Variants in SORCS1 observed in about 807,000 individuals in gnomAD.
SORCS1 encodes the protein sortilin related VPS10 domain containing receptor 1.
Under a neutral mutation model 146.1 loss-of-function variants are expected in SORCS1, and 60 were observed. The ratio of observed to expected loss-of-function variants is 0.41; its 90% CI spans 0.33 to 0.51. The LOEUF (loss-of-function observed/expected upper bound fraction) is 0.51, where lower values mean the gene tolerates loss of function less well. Ranked by LOEUF, SORCS1 falls within the 20% of genes least tolerant of loss-of-function variation. The pLI is 0.21. For missense variants in SORCS1, 1,352 were observed against 1,487.6 expected (o/e 0.91, Z 1.50); for synonymous variants, 637 against 584.0 (o/e 1.09, Z -1.31).
intron 18 of SORCS1, among the ~76,000 whole-genome samples, 172 bp downstream of exon 18, chr10:106,652,210 C>G (rs1006011188): frequency 6.6e-6 from 1 of 151,826 alleles, no homozygotes; most frequent in African/African-American, 2.4e-5. Flanking sequence ...AGAAATAGAT[C>G]AGGGAAGGTG....
chr10:107,070,688 C>A (rs1211718972), intron 1 of SORCS1, among the ~76,000 whole-genome samples: 1 of 152,100 alleles, frequency 6.6e-6, no homozygotes, highest in Non-Finnish European at 1.5e-5. Flanking sequence ...AAAAATAATA[C>A]CTCGTTTGTG....
At chr10:106,782,382 A>C (rs887911057) in intron 3 of SORCS1, among the ~76,000 whole-genome samples, 1 of 152,178 alleles carries the variant, frequency 6.6e-6, no homozygotes, top group African/African-American at 2.4e-5. Context: ...CGGCCTCCCA[A>C]AACACTCAGA....
the SORCS1 span, among the ~76,000 whole-genome samples, chr10:107,175,981 G>A: frequency 1.3e-5 from 2 of 152,134 alleles, no homozygotes; most frequent in East Asian, 3.9e-4. Flanking sequence ...ATTGTTAAAA[G>A]CAAATTTGAG....
chr10:106,666,552 C>CTT (rs201094771), intron 17 of SORCS1, among the ~76,000 whole-genome samples: 35 of 147,632 alleles, frequency 2.4e-4, no homozygotes, highest in South Asian at 6.5e-4. Context: ...ATAAATCTCT[C>CTT]TCTTTTTTTT....
intron 3 of SORCS1, among the ~76,000 whole-genome samples, chr10:106,792,449 C>T (rs1198090954): frequency 6.6e-6 from 1 of 152,202 alleles, no homozygotes; most frequent in East Asian, 1.9e-4. Flanking sequence ...TTAAGCATTA[C>T]ACAGCGCTTT....
intron 2 of SORCS1, among the ~76,000 whole-genome samples, chr10:106,852,873 A>T (rs1332132727): frequency 3.9e-5 from 6 of 152,062 alleles, no homozygotes; most frequent in Non-Finnish European, 7.4e-5. Flanking sequence ...TTCAAACATT[A>T]TTGGATTGAG....
At chr10:106,760,064 T>C (rs1858961681) in intron 5 of SORCS1, among the ~76,000 whole-genome samples, 1 of 152,120 alleles carries the variant, frequency 6.6e-6, no homozygotes, top group African/African-American at 2.4e-5. Flanking sequence ...GATGTGATGG[T>C]ATTTGCAAAT....
chr10:106,935,043 C>T (rs1050197472), intron 2 of SORCS1, among the ~76,000 whole-genome samples: 3 of 151,840 alleles, frequency 2.0e-5, no homozygotes, highest in South Asian at 2.1e-4. Context: ...TCAAAAACCA[C>T]GAGTACCCCA....
chr10:106,575,865 C>T lies in SORCS1; in HGVS notation c.*1555G>A, dbSNP rs1390388122. The T allele has an allele frequency of 2.0e-5, 3 of 152,612 alleles. No homozygotes were observed. Among genetic ancestry groups the T allele is most frequent in the Non-Finnish European group, 2.9e-5 (2 of 68,034 alleles). 9.5% of individuals were successfully genotyped at this position (152,612 alleles called of 1,614,324 possible). On this transcript the variant is annotated 3_prime_UTR_variant, in exon 26 of 26. Coordinates refer to ENST00000263054, the MANE Select transcript of SORCS1 (RefSeq NM_052918.5). ...GTTAAAATCAGTTTTATTTCACAAA[C>T]ATTTCTATTCTACTGTGAGAGTGGA...
chr10:106,905,069 A>T (rs535142858), intron 2 of SORCS1, among the ~76,000 whole-genome samples: 1 of 152,342 alleles, frequency 6.6e-6, no homozygotes, highest in African/African-American at 2.4e-5. Flanking sequence ...TAAAAAGTAA[A>T]TATTTAATTG....
rs138355863 is a variant in SORCS1, at chr10:106,856,850, T to C, written c.627-27177A>G. On this transcript the variant is annotated intron_variant, in intron 2 of 25. Coordinates refer to ENST00000263054, the MANE Select transcript of SORCS1 (RefSeq NM_052918.5). ...CTTGTTGAGTTTCTGCTCAGGTAAATTGTGATTTGCTGTGTCTGACTGTTG... is the reference window on the plus strand; with the variant it reads ...CTTGTTGAGTTTCTGCTCAGGTAAACTGTGATTTGCTGTGTCTGACTGTTG... 3.5e-3 allele frequency among the ~76,000 whole-genome samples: 527 copies of C among 152,294 alleles called. 6 individuals are homozygous for C. Among genetic ancestry groups the C allele is most frequent in the African/African-American group, 0.012 (515 of 41,568 alleles).
chr10:106,757,837 C>T (rs1377534992), intron 5 of SORCS1, among the ~76,000 whole-genome samples: 1 of 152,186 alleles, frequency 6.6e-6, no homozygotes. Flanking sequence ...AGACAGCCTT[C>T]ATTCAAATTC....
chr10:106,647,758 G>C (rs1007042432), intron 18 of SORCS1, among the ~76,000 whole-genome samples: 46 of 152,234 alleles, frequency 3.0e-4, no homozygotes, highest in Middle Eastern at 3.4e-3. Flanking sequence ...TCACAATGTT[G>C]GTTTAGATAA....
chr10:106,953,146 TGTGTG>T (rs1954777705), intron 2 of SORCS1, among the ~76,000 whole-genome samples: 6 of 12,830 alleles, frequency 4.7e-4, no homozygotes, highest in African/African-American at 3.1e-3. Context: ...GGGTATAGTG[TGTGTG>T]TGTGTGTGTG....
chr10:106,578,182 A>G (rs1424617815), intron 25 of SORCS1: 1 of 152,220 alleles, frequency 6.6e-6, no homozygotes, highest in Non-Finnish European at 1.5e-5. Flanking sequence ...CCTAATGCCA[A>G]CAGACAGGAG....
chr10:106,831,768 C>T lies in SORCS1; in HGVS notation c.627-2095G>A, dbSNP rs907718594. On this transcript the variant is annotated intron_variant, in intron 2 of 25. Coordinates refer to ENST00000263054, the MANE Select transcript of SORCS1 (RefSeq NM_052918.5). ...TAGATGGCAAACAGAAAACGGTCAACACTTCAGAGGATTTAGATGCCATTC... is the reference window on the plus strand; with the variant it reads ...TAGATGGCAAACAGAAAACGGTCAATACTTCAGAGGATTTAGATGCCATTC... 2.6e-5 allele frequency among the ~76,000 whole-genome samples: 4 copies of T among 152,190 alleles called. No individual in the cohort carries two copies. The East Asian group carries it at 7.7e-4, about 29-fold the overall frequency.
At chr10:107,093,536 G>C (rs899732461) in intron 1 of SORCS1, among the ~76,000 whole-genome samples, 1 of 152,110 alleles carries the variant, frequency 6.6e-6, no homozygotes, top group African/African-American at 2.4e-5. Context: ...AGTTGGGTAT[G>C]GTGGTGTGTG....
intron 5 of SORCS1, among the ~76,000 whole-genome samples, chr10:106,730,950 C>G (rs1182715425): frequency 6.6e-6 from 1 of 152,126 alleles, no homozygotes; most frequent in Non-Finnish European, 1.5e-5. Flanking sequence ...AAACTGGTCC[C>G]TCTGCCTGCC....
At chr10:106,601,701 G>A (rs1030088736) in intron 23 of SORCS1, among the ~76,000 whole-genome samples, 2 of 152,230 alleles carry the variant, frequency 1.3e-5, no homozygotes, top group African/African-American at 4.8e-5. Flanking sequence ...CAGCTATGCA[G>A]TGGTGTTGGG....
Sources: allele counts gnomAD v4.1 joint callset (sites outside exome capture counted in the v4.1 genomes callset), GRCh38; gene constraint gnomAD v4.1.1; transcripts MANE v1.5; gene names NCBI Gene and HGNC (gene_info 2026-07-23, HGNC 2026-07-21).